Variants in PTPN12 observed in about 807,000 individuals in gnomAD.
PTPN12 encodes protein tyrosine phosphatase non-receptor type 12.
A neutral mutation model predicts 97.6 loss-of-function variants in PTPN12; 29 were observed. That is an observed-to-expected ratio of 0.30 (90% CI 0.22 to 0.41). PTPN12 has a LOEUF of 0.41. Among genes scored for constraint, PTPN12 ranks in the 10% least tolerant of loss-of-function variants. PTPN12 has a pLI of 1.00. For synonymous variants in PTPN12, 327 were observed against 300.4 expected (o/e 1.09, Z -0.91); for missense variants, 819 against 926.0 (o/e 0.88, Z 1.50).
intron 1 of PTPN12, among the ~76,000 whole-genome samples, chr7:77,561,195 G>A (rs1807980393): frequency 6.6e-6 from 1 of 152,070 alleles, no homozygotes; most frequent in African/African-American, 2.4e-5. Context: ...AAAGTGCTTG[G>A]GTTATAGTTA....
Position 77,600,644 on chromosome 7 carries a change from A to T in PTPN12, c.553-20A>T, listed in dbSNP as rs765041083. On this transcript the variant is annotated intron_variant, in intron 7 of 17. Coordinates refer to ENST00000248594, the MANE Select transcript of PTPN12 (RefSeq NM_002835.4). ...TTGCAAAGTATTTTCATAATTGTTG[A>T]CTTTCTGTTTTTCTTGAAGGAATCT... The T allele has an allele frequency of 4.5e-6, 7 of 1,563,584 alleles. No individual in the cohort carries two copies. The highest frequency in any genetic ancestry group is 6.0e-6 in the Non-Finnish European group (7 of 1,158,056).
chr7:77,539,279 A>G (rs1806833419), intron 1 of PTPN12, among the ~76,000 whole-genome samples: 1 of 152,192 alleles, frequency 6.6e-6, no homozygotes. Flanking sequence ...ACGGAAGTAA[A>G]GTTTTCTCAG....
intron 1 of PTPN12, among the ~76,000 whole-genome samples, chr7:77,556,828 CAAAAATA>C (rs1256192098): frequency 2.0e-5 from 3 of 151,716 alleles, no homozygotes; most frequent in Non-Finnish European, 4.4e-5. Context: ...GACTCCATCT[CAAAAATA>C]AAAAATAAAA....
chr7:77,596,510 T>C (rs1788027657), intron 6 of PTPN12, among the ~76,000 whole-genome samples: 1 of 152,162 alleles, frequency 6.6e-6, no homozygotes, highest in Non-Finnish European at 1.5e-5. Context: ...CTGCTGGGCT[T>C]AGTGATCCAC....
intron 15 of PTPN12, among the ~76,000 whole-genome samples, chr7:77,636,340 TG>T (rs1341342436): frequency 6.6e-6 from 1 of 152,086 alleles, no homozygotes; most frequent in African/African-American, 2.4e-5. Context: ...CACAGCACTT[TG>T]GGAGGCCAAG....
In PTPN12 at chr7:77,537,376, C is replaced by G; in HGVS notation, c.-171C>G. On this transcript the variant is annotated 5_prime_UTR_variant, in exon 1 of 18. Transcript: ENST00000248594. Reference sequence around the variant, plus strand: ...GTGGTGTCGGGAGCCCAGCCGGTGCCGCCGCAGCCGCCGCCTAGGGCGGTG... The same window carrying G: ...GTGGTGTCGGGAGCCCAGCCGGTGCGGCCGCAGCCGCCGCCTAGGGCGGTG... 1 of 958,940 alleles carries G rather than the reference C, an allele frequency of 1.0e-6. No individual in the cohort carries two copies. Among genetic ancestry groups the G allele is most frequent in the South Asian group, 2.1e-5 (1 of 48,632 alleles). The allele number at this position is 958,940 out of a possible 1,614,324, so 59.4% of individuals were successfully genotyped here.
intron 15 of PTPN12, 89 bp downstream of exon 15, chr7:77,635,938 T>C: frequency 2.5e-6 from 2 of 786,290 alleles, no homozygotes; most frequent in Non-Finnish European, 3.9e-6. Flanking sequence ...AGCTGTCATC[T>C]TAAGATCGTT....
At chr7:77,552,103 TTAGA>T (rs1322662677) in intron 1 of PTPN12, among the ~76,000 whole-genome samples, 1 of 152,174 alleles carries the variant, frequency 6.6e-6, no homozygotes, top group African/African-American at 2.4e-5. Context: ...ACTTTATAAT[TTAGA>T]TAGAAGATTA....
At chr7:77,620,431 G>A (rs1255546349) in intron 12 of PTPN12, among the ~76,000 whole-genome samples, 2 of 152,126 alleles carry the variant, frequency 1.3e-5, no homozygotes, top group Non-Finnish European at 2.9e-5. Flanking sequence ...TACATGCATA[G>A]GTCACCTTTT....
intron 1 of PTPN12, among the ~76,000 whole-genome samples, chr7:77,557,156 G>T (rs1205552079): frequency 6.6e-6 from 1 of 152,016 alleles, no homozygotes; most frequent in African/African-American, 2.4e-5. Context: ...TGTAGAGGTG[G>T]GGTCTCACTG....
chr7:77,553,680 A>T (rs1457267823), intron 1 of PTPN12, among the ~76,000 whole-genome samples: 1 of 152,212 alleles, frequency 6.6e-6, no homozygotes, highest in African/African-American at 2.4e-5. Flanking sequence ...TTGTATATTT[A>T]AAGTGGATCT....
intron 8 of PTPN12, among the ~76,000 whole-genome samples, chr7:77,601,212 A>G (rs148773890): frequency 3.5e-4 from 54 of 152,280 alleles, no homozygotes; most frequent in Middle Eastern, 3.4e-3. Context: ...ATTTTTAAAA[A>G]CAGGATATTG....
chr7:77,583,851 G>A (rs1787600668), intron 4 of PTPN12: 1 of 415,850 alleles, frequency 2.4e-6, no homozygotes, highest in East Asian at 4.4e-5. Context: ...TTAAGAAGGT[G>A]TGATAATAAT....
intron 9 of PTPN12, among the ~76,000 whole-genome samples, chr7:77,609,971 C>G (rs1002305288): frequency 2.6e-5 from 4 of 151,892 alleles, no homozygotes; most frequent in African/African-American, 9.7e-5. Context: ...TTTAACCCTT[C>G]CATCTTAATC....
At chr7:77,593,040 G>T (rs1220402618) in intron 6 of PTPN12, among the ~76,000 whole-genome samples, 1 of 152,110 alleles carries the variant, frequency 6.6e-6, no homozygotes, top group South Asian at 2.1e-4. Context: ...AGGCCAAGGC[G>T]AGTGGATCAC....
chr7:77,595,995 C>T (rs750547247), intron 6 of PTPN12, among the ~76,000 whole-genome samples: 2 of 152,052 alleles, frequency 1.3e-5, no homozygotes, highest in Non-Finnish European at 2.9e-5. Flanking sequence ...AGTTGCTATC[C>T]AGTTAATTGA....
At position 77,627,379 on chromosome 7, in the gene PTPN12, G is replaced by GT; in HGVS notation, c.1703dup (p.Leu568PhefsTer10). ...AACTATCAAACTAGGAAAACTGTGA[G>GT]TTTAACACCAAGTCCTACAACACAA... On this transcript the variant is annotated frameshift_variant, in exon 13 of 18. Coordinates refer to ENST00000248594, the MANE Select transcript of PTPN12 (RefSeq NM_002835.4). LOFTEE classifies it high-confidence loss of function. 6.2e-7 allele frequency: 1 copy of GT among 1,614,048 alleles called. No homozygotes were observed. The highest frequency in any genetic ancestry group is 8.5e-7 in the Non-Finnish European group (1 of 1,179,958).
Position 77,639,769 on chromosome 7 carries a change from C to G in PTPN12, c.*489C>G, listed in dbSNP as rs943373183. 1.3e-5 allele frequency: 2 copies of G among 152,808 alleles called. No individual in the cohort carries two copies. The highest frequency in any genetic ancestry group is 4.8e-5 in the African/African-American group (2 of 41,456). The allele number at this position is 152,808 out of a possible 1,614,324, so 9.5% of individuals were successfully genotyped here. On this transcript the variant is annotated 3_prime_UTR_variant, in exon 18 of 18. Transcript: ENST00000248594. ...TAGAAAATAGTTTCTGAATTTTAAA[C>G]TTGCTGGATTCATGCAGCCAGCTTT...
chr7:77,568,128 A>T (rs1314017333), intron 1 of PTPN12, among the ~76,000 whole-genome samples: 1 of 152,250 alleles, frequency 6.6e-6, no homozygotes, highest in African/African-American at 2.4e-5. Flanking sequence ...TTAATAGAGC[A>T]TTCTCCATTT....
Sources: allele counts gnomAD v4.1 joint callset (sites outside exome capture counted in the v4.1 genomes callset), GRCh38; gene constraint gnomAD v4.1.1; transcripts MANE v1.5; gene names NCBI Gene and HGNC (gene_info 2026-07-23, HGNC 2026-07-21).